The following EFCAB12 variants were observed in gnomAD, a reference collection of about 807,000 sequenced individuals.
The protein encoded by EFCAB12 is EF-hand calcium binding domain 12.
Under a neutral mutation model 53.6 loss-of-function variants are expected in EFCAB12, and 43 were observed. That is an observed-to-expected ratio of 0.80 (90% CI 0.63 to 1.03). The LOEUF is 1.03. Ranked by LOEUF, EFCAB12 falls within the 50% of genes least tolerant of loss-of-function variation. The pLI, the probability that EFCAB12 is intolerant of heterozygous loss-of-function variation, is 0.00. For synonymous variants in EFCAB12, 269 were observed against 289.2 expected, an observed-to-expected ratio of 0.93 and a Z score of 0.71; for missense variants, 646 against 730.6, an observed-to-expected ratio of 0.88 and a Z score of 1.34.
intron 1 of EFCAB12, among the ~76,000 whole-genome samples, chr3:129,426,359 G>GTTTTTTTTTTTT (rs71620055): frequency 0.01 from 890 of 87,610 alleles, 9 homozygotes; most frequent in Non-Finnish European, 0.012. Flanking sequence ...GTTTTTTTTT[G>GTTTTTTTTTTTT]TTTTTTTTTT....
intron 6 of EFCAB12, among the ~76,000 whole-genome samples, chr3:129,405,111 A>G (rs9849681): frequency 0.18 from 27,752 of 152,214 alleles, 3,421 homozygotes; most frequent in East Asian, 0.46. Context: ...CACTGCGCCC[A>G]GCCCACTTGG....
At chr3:129,409,010 G>A (rs1577039883) in intron 5 of EFCAB12, among the ~76,000 whole-genome samples, 152 bp from the exon 6 acceptor site, 2 of 152,208 alleles carry the variant, frequency 1.3e-5, no homozygotes, top group African/African-American at 4.8e-5. Flanking sequence ...CTGCAGTTCC[G>A]GTTCTGAAGT....
At chr3:129,404,489 T>A (rs1263030137) in intron 6 of EFCAB12, 86 bp from the exon 7 acceptor site, 1 of 1,376,364 alleles carries the variant, frequency 7.3e-7, no homozygotes, top group Non-Finnish European at 9.5e-7. Flanking sequence ...GAGGTGTTTT[T>A]TTTTTTTTTA....
chr3:129,421,947 A>C, intron 1 of EFCAB12, 144 bp from the exon 2 acceptor site: 1 of 875,790 alleles, frequency 1.1e-6, no homozygotes, highest in Non-Finnish European at 1.7e-6. Context: ...TGTAATCGTA[A>C]GGATAATTTC....
rs749213658 is a variant in EFCAB12, at chr3:129,418,277, C to A, written c.658G>T (p.Glu220Ter). ...ACTGCCTTTACAGCCGCGATGAACT[C>A]CTCCCTGGTGATTCTCTGGTTCTCA... is the stretch of plus-strand genomic sequence containing the variant. ...QGENQRITRE[E>*]FIAAVKAVGV... is the part of the protein sequence containing the mutation. Residue 220 changes from glutamate (E) to a stop codon, truncating the protein, a stop_gained, in exon 3 of 9, where the codon GAG becomes TAG. Coordinates refer to ENST00000505956, the MANE Select transcript of EFCAB12 (RefSeq NM_207307.3). LOFTEE classifies it high-confidence loss of function. 1.8e-5 allele frequency: 29 copies of A among 1,612,408 alleles called. No individual in the cohort carries two copies. The highest frequency in any genetic ancestry group is 2.5e-5 in the Non-Finnish European group (29 of 1,178,892).
intron 5 of EFCAB12, among the ~76,000 whole-genome samples, chr3:129,409,513 AG>A (rs2072002951): frequency 6.6e-6 from 1 of 152,338 alleles, no homozygotes; most frequent in East Asian, 1.9e-4. Flanking sequence ...TGTGACCTTG[AG>A]GTGAAAGCCA....
chr3:129,419,918 T>C (rs75805591), intron 2 of EFCAB12, among the ~76,000 whole-genome samples: 9,749 of 152,242 alleles, frequency 0.064, 947 homozygotes, highest in East Asian at 0.44. Context: ...CAGGCAGTAA[T>C]TGTTTGCTGA....
chr3:129,403,549 G>A (rs1282199432), intron 7 of EFCAB12: 1 of 152,462 alleles, frequency 6.6e-6, no homozygotes, highest in Non-Finnish European at 1.5e-5. Flanking sequence ...GCAGGGGCAG[G>A]TCCAGGCCCC....
At chr3:129,426,359 G>GTTTTTTTTTTTTTTT (rs71620055) in intron 1 of EFCAB12, among the ~76,000 whole-genome samples, 5 of 87,820 alleles carry the variant, frequency 5.7e-5, no homozygotes, top group African/African-American at 1.1e-4. Context: ...GTTTTTTTTT[G>GTTTTTTTTTTTTTTT]TTTTTTTTTT....
Position 129,428,484 on chromosome 3 carries a change from T to C in EFCAB12, c.5A>G (p.Asp2Gly). ...ACTGTGGTACGCTTCATAGTCGTCG[T>C]CCATGGTCGTGGTGCTGGGAGGGGG... M[D>G]DDYEAYHSLF... is the part of the protein sequence containing the mutation. Residue 2 changes from aspartate to glycine, a missense_variant, in exon 1 of 9, where the codon GAC becomes GGC. By Grantham distance (94) the Asp-to-Gly change is moderately conservative. Coordinates refer to ENST00000505956, the MANE Select transcript of EFCAB12 (RefSeq NM_207307.3). 1 of 1,611,444 alleles carries C rather than the reference T, an allele frequency of 6.2e-7. No individual in the cohort carries two copies. Among genetic ancestry groups the C allele is most frequent in the Non-Finnish European group, 8.5e-7 (1 of 1,178,788 alleles).
Position 129,418,458 on chromosome 3 carries a change from G to T in EFCAB12, c.487-10C>A. On this transcript the variant is annotated splice_polypyrimidine_tract_variant and intron_variant, in intron 2 of 8. Transcript: ENST00000505956. ...GCCTGGGGGCTTTCTTCTGGAAGAG[G>T]TGAGAGGGTAGGGCAGAGGAGAGAG... 1.3e-6 allele frequency: 2 copies of T among 1,595,250 alleles called. No homozygotes were observed. Among genetic ancestry groups the T allele is most frequent in the Non-Finnish European group, 8.5e-7 (1 of 1,170,740 alleles).
chr3:129,404,449 C>T, intron 6 of EFCAB12, 46 bp from the exon 7 acceptor site: 1 of 1,544,134 alleles, frequency 6.5e-7, no homozygotes, highest in South Asian at 1.3e-5. Flanking sequence ...CCCAGACTGC[C>T]CATCCCTCCC....
chr3:129,402,400 C>A, intron 8 of EFCAB12, 123 bp downstream of exon 8: 3 of 1,065,354 alleles, frequency 2.8e-6, no homozygotes, highest in Non-Finnish European at 2.8e-6. Flanking sequence ...TGTGTCACTG[C>A]CTCTCAGGCC....
rs1259088732 is a variant in EFCAB12, at chr3:129,428,482, C to T, written c.7G>A (p.Asp3Asn). The change falls in exon 1 of 9, where the codon GAC (aspartate) becomes AAC (asparagine). Residue 3 changes from aspartate to asparagine, a missense_variant. Transcript: ENST00000505956. MD[D>N]DYEAYHSLFL... ...AGACTGTGGTACGCTTCATAGTCGT[C>T]GTCCATGGTCGTGGTGCTGGGAGGG... 1.2e-6 allele frequency: 2 copies of T among 1,611,250 alleles called. No individual in the cohort carries two copies. The highest frequency in any genetic ancestry group is 1.7e-6 in the Non-Finnish European group (2 of 1,178,728).
chr3:129,403,799 C>A (rs9877834), intron 7 of EFCAB12: 9,471 of 152,904 alleles, frequency 0.062, 931 homozygotes, highest in East Asian at 0.44. Flanking sequence ...GGGAAATGTT[C>A]TTTTATCCTC....
rs781463369 is a variant in EFCAB12 at position 129,401,851 on chromosome 3, C to T, written c.1461G>A (p.Arg487=). ...CACTGGACCTCTTCACCTTCAGCTT[C>T]CTGGAAAACAAGAAGACACAGGGAT... The part of the protein sequence containing the change: ...MRFKEFEEFT[R]KLKVKRSSGL... Residue 487 remains arginine (R), a splice_region_variant and synonymous_variant, in exon 9 of 9, where the codon AGG becomes AGA. Transcript: ENST00000505956. 1.9e-6 allele frequency: 3 copies of T among 1,610,318 alleles called. No individual in the cohort carries two copies. Among genetic ancestry groups the T allele is most frequent in the South Asian group, 1.1e-5 (1 of 90,724 alleles).
Position 129,418,392 on chromosome 3 carries a change from C to A in EFCAB12, c.543G>T (p.Leu181=), listed in dbSNP as rs750528304. The change falls in exon 3 of 9, where the codon CTG becomes CTT. Residue 181 remains leucine, a synonymous_variant. Transcript: ENST00000505956. ...TGACCGACAGGGCAGGGGGCTCGGG[C>A]AGCTGGAGCTGGGGCACCATCTGGC... ...LSRQMVPQLQ[L]PEPPALSVMY... is the part of the protein sequence containing the mutation. 1.2e-6 allele frequency: 2 copies of A among 1,613,374 alleles called. No individual in the cohort carries two copies. The highest frequency in any genetic ancestry group is 2.2e-5 in the East Asian group (1 of 44,864).
At position 129,408,732 on chromosome 3, in the gene EFCAB12, G is replaced by C; in HGVS notation, c.1162C>G (p.Arg388Gly). Reference protein sequence around the residue: ...GDMRELIDSARRHNFLVYLQC... With the variant: ...GDMRELIDSAGRHNFLVYLQC... ...AGGTAGACCAGAAAGTTGTGCCTGCGGGCCGAGTCAATGAGCTCCCTCATA... is the reference window on the plus strand; with the variant it reads ...AGGTAGACCAGAAAGTTGTGCCTGCCGGCCGAGTCAATGAGCTCCCTCATA... The change falls in exon 6 of 9, where the codon CGC (arginine) becomes GGC (glycine). Residue 388 changes from arginine to glycine, a missense_variant. Arg to Gly is a moderately radical substitution (Grantham distance 125). Coordinates refer to ENST00000505956, the MANE Select transcript of EFCAB12 (RefSeq NM_207307.3). 1 of 1,585,402 alleles carries C rather than the reference G, an allele frequency of 6.3e-7. No homozygotes were observed. The highest frequency in any genetic ancestry group is 8.6e-7 in the Non-Finnish European group (1 of 1,164,952).
At chr3:129,408,948 T>A in intron 5 of EFCAB12, 90 bp from the exon 6 acceptor site, 1 of 1,435,584 alleles carries the variant, frequency 7.0e-7, no homozygotes, top group Non-Finnish European at 9.5e-7. Context: ...CTCATCGACC[T>A]CTCCCCTGCG....
Sources: gnomAD v4.1 joint callset for allele counts (sites outside exome capture counted in the v4.1 genomes callset) on GRCh38, gnomAD v4.1.1 for gene constraint, MANE v1.5 for transcripts, NCBI Gene and HGNC (gene_info 2026-07-23, HGNC 2026-07-21) for gene names.